CD276: variants seen among roughly 807,000 people sequenced by gnomAD.
CD276 encodes CD276 molecule.
CD276 carries 34 observed loss-of-function variants against 50.0 expected under a neutral mutation model. The ratio of observed to expected loss-of-function variants is 0.68; its 90% CI spans 0.52 to 0.91. The LOEUF (loss-of-function observed/expected upper bound fraction) is 0.91. CD276 is among the 40% of genes least tolerant of loss of function. CD276 has a pLI of 0.00. For synonymous variants in CD276, 275 were observed against 313.0 expected, an observed-to-expected ratio of 0.88 and a Z score of 1.28; for missense variants, 634 against 717.5, an observed-to-expected ratio of 0.88 and a Z score of 1.33.
chr15:73,710,331 C>G (rs1278789400), intron 8 of CD276, among the ~76,000 whole-genome samples: 1 of 152,214 alleles, frequency 6.6e-6, no homozygotes, highest in Non-Finnish European at 1.5e-5. Flanking sequence ...GTCATCCTGA[C>G]CCTGCCCTGA....
At chr15:73,708,750 AGT>A in intron 7 of CD276, 1 of 469,158 alleles carries the variant, frequency 2.1e-6, no homozygotes, top group South Asian at 2.2e-5. Flanking sequence ...CAAAGGGATG[AGT>A]GTGTGCCAAC....
intron 2 of CD276, among the ~76,000 whole-genome samples, chr15:73,700,655 G>A (rs1288191926): frequency 2.0e-5 from 3 of 152,114 alleles, no homozygotes; most frequent in Non-Finnish European, 4.4e-5. Context: ...GAGATCTCTA[G>A]GTACTGCAAA....
chr15:73,713,805 C>T lies in CD276; in HGVS notation c.*849C>T, dbSNP rs769617314. 1 of 442,124 alleles carries T rather than the reference C, an allele frequency of 2.3e-6. No individual in the cohort carries two copies. Among genetic ancestry groups the T allele is most frequent in the African/African-American group, 2.0e-5 (1 of 48,844 alleles). The allele number at this position is 442,124 out of a possible 1,614,324, so 27.4% of individuals were successfully genotyped here. On this transcript the variant is annotated 3_prime_UTR_variant, in exon 10 of 10. Transcript: ENST00000318443. ...GTCAGCTTCTGTCCCTCTGCCTTCTCACCTCTTTGTTCCTTTCTTTTCATG... is the reference window on the plus strand; with the variant it reads ...GTCAGCTTCTGTCCCTCTGCCTTCTTACCTCTTTGTTCCTTTCTTTTCATG...
intron 1 of CD276, among the ~76,000 whole-genome samples, chr15:73,691,429 T>C (rs1021483156): frequency 6.6e-6 from 1 of 152,206 alleles, no homozygotes; most frequent in Non-Finnish European, 1.5e-5. Context: ...GTATCCTTCT[T>C]AGTAATCTCA....
intron 1 of CD276, among the ~76,000 whole-genome samples, 157 bp from the exon 2 acceptor site, chr15:73,699,429 A>C (rs1900291085): frequency 6.6e-6 from 1 of 152,200 alleles, no homozygotes; most frequent in South Asian, 2.1e-4. Context: ...AGCATCTGTC[A>C]CCAAGATTCC....
Position 73,687,491 on chromosome 15 carries a change from C to G in CD276, c.-55+3031C>G, listed in dbSNP as rs990456271. ...CCCGGTAAGATGTGCCAAGGGTCTC[C>G]TTAGTAAGTCAGGGAAGACTCATCT... On this transcript the variant is annotated intron_variant, in intron 1 of 9. Transcript: ENST00000318443. The surrounding 1 kb of genome is among the most constrained non-coding windows in gnomAD (Gnocchi z 4.0). Among the ~76,000 whole-genome samples, 1 of 152,032 alleles carries G rather than the reference C, an allele frequency of 6.6e-6. No homozygotes were observed. Among genetic ancestry groups the G allele is most frequent in the African/African-American group, 2.4e-5 (1 of 41,434 alleles).
chr15:73,698,550 A>G (rs1222910833), intron 1 of CD276, among the ~76,000 whole-genome samples: 2 of 152,056 alleles, frequency 1.3e-5, no homozygotes, highest in East Asian at 3.9e-4. Flanking sequence ...GGATGGCTAT[A>G]TTAGCCTCTT....
rs766950718 is a variant in CD276 at position 73,704,194 on chromosome 15, G to A, written c.1091G>A (p.Ser364Asn). Residue 364 changes from serine to asparagine, a missense_variant, in exon 6 of 10, where the codon AGC (serine) becomes AAC (asparagine). Physicochemically the swap from Ser to Asn is conservative, Grantham distance 46. Coordinates refer to ENST00000318443, the MANE Select transcript of CD276 (RefSeq NM_001024736.2). This position sits in a 1 kb window ranked among gnomAD's most constrained non-coding sequence, Gnocchi z 4.1. ...CCTCCAGCTCCCTACTCGAAGCCCA[G>A]CATGACCCTGGAGCCCAACAAGGAC... ...LQVAAPYSKP[S>N]MTLEPNKDLR... 2 of 1,613,050 alleles carry A rather than the reference G, an allele frequency of 1.2e-6. No homozygotes were observed. The highest frequency in any genetic ancestry group is 8.5e-7 in the Non-Finnish European group (1 of 1,179,592).
intron 6 of CD276, 96 bp from the exon 7 acceptor site, chr15:73,708,243 G>T: frequency 1.5e-6 from 2 of 1,369,750 alleles, no homozygotes; most frequent in East Asian, 2.3e-5. Flanking sequence ...GCCCAGTGAG[G>T]GTGGGAGCCC....
intron 1 of CD276, among the ~76,000 whole-genome samples, chr15:73,696,185 C>T (rs1596007341): frequency 2.0e-5 from 3 of 152,314 alleles, no homozygotes; most frequent in Admixed American, 2.0e-4. Context: ...GGAGTGGGCA[C>T]TGGCAGGTGA....
At position 73,712,945 on chromosome 15, in the gene CD276, G is replaced by A. The variant is rs751707657; in HGVS notation, c.1594G>A (p.Glu532Lys). 6.2e-7 allele frequency: 1 copy of A among 1,613,770 alleles called. No individual in the cohort carries two copies. Among genetic ancestry groups the A allele is most frequent in the South Asian group, 1.1e-5 (1 of 91,054 alleles). The stretch of plus-strand genomic sequence containing the variant: ...ATCATGAAATGAAGATGATGGACAA[G>A]AAATAGCCTGACCATGAGGACCAGG... ...HSDSKEDDGQ[E>K]IA The change falls in exon 10 of 10, where the codon GAA (glutamate) becomes AAA (lysine). Residue 532 changes from glutamate to lysine, a missense_variant. Coordinates refer to ENST00000318443, the MANE Select transcript of CD276 (RefSeq NM_001024736.2).
rs1899805476 is a variant in CD276, at chr15:73,687,191, C to T, written c.-55+2731C>T. Among the ~76,000 whole-genome samples the T allele has an allele frequency of 6.6e-6, 1 of 152,112 alleles. No individual in the cohort carries two copies. Among genetic ancestry groups the T allele is most frequent in the African/African-American group, 2.4e-5 (1 of 41,416 alleles). On this transcript the variant is annotated intron_variant, in intron 1 of 9. Transcript: ENST00000318443. This position sits in a 1 kb window ranked among gnomAD's most constrained non-coding sequence, Gnocchi z 4.0. ...CCAGTTCTACCGCCCTTGCAGTGTG[C>T]CAGATAGGAGCATTGGGTTTTCAGG...
At chr15:73,711,050 C>G in intron 8 of CD276, 85 bp from the exon 9 acceptor site, 131 of 1,385,842 alleles carry the variant, frequency 9.5e-5, no homozygotes, top group Non-Finnish European at 1.2e-4. Flanking sequence ...CCCCTTCCAG[C>G]CCTCACTCCT....
At chr15:73,689,153 A>G (rs572197949) in intron 1 of CD276, among the ~76,000 whole-genome samples, 65 of 150,402 alleles carry the variant, frequency 4.3e-4, no homozygotes, top group African/African-American at 1.4e-3. Flanking sequence ...TCTGGGCCCA[A>G]TGTAGCTTTC....
intron 6 of CD276, among the ~76,000 whole-genome samples, chr15:73,705,865 A>G (rs1254946418): frequency 6.6e-6 from 1 of 152,180 alleles, no homozygotes. Flanking sequence ...AGGACTTATG[A>G]GTATAAATGT....
At chr15:73,710,458 A>C (rs919277880) in intron 8 of CD276, among the ~76,000 whole-genome samples, 2 of 152,206 alleles carry the variant, frequency 1.3e-5, no homozygotes, top group Non-Finnish European at 2.9e-5. Flanking sequence ...GTGCCAAGGC[A>C]CTGGTGCCCA....
At position 73,703,715 on chromosome 15, in the gene CD276, G is replaced by A; in HGVS notation, c.790G>A (p.Ala264Thr). The A allele has an allele frequency of 1.2e-6, 2 of 1,613,228 alleles. No individual in the cohort carries two copies. Among genetic ancestry groups the A allele is most frequent in the Non-Finnish European group, 1.7e-6 (2 of 1,179,954 alleles). ...DPVVALVGTD[A>T]TLRCSFSPEP... ...GGTGGTGGCCCTAGTGGGCACCGATGCCACCCTGCGCTGCTCCTTCTCCCC... is the reference window on the plus strand; with the variant it reads ...GGTGGTGGCCCTAGTGGGCACCGATACCACCCTGCGCTGCTCCTTCTCCCC... The change falls in exon 5 of 10, where the codon GCC becomes ACC. Residue 264 changes from alanine (A) to threonine (T), a missense_variant. Coordinates refer to ENST00000318443, the MANE Select transcript of CD276 (RefSeq NM_001024736.2).
At chr15:73,701,997 T>C (rs1373136968) in intron 2 of CD276, among the ~76,000 whole-genome samples, 1 of 152,250 alleles carries the variant, frequency 6.6e-6, no homozygotes, top group African/African-American at 2.4e-5. Flanking sequence ...TGTCTCTCTC[T>C]CCCATTAAAA....
chr15:73,707,156 C>T lies in CD276; in HGVS notation c.1370-1183C>T, dbSNP rs577379652. Among the ~76,000 whole-genome samples, 35 of 152,374 alleles carry T rather than the reference C, an allele frequency of 2.3e-4. No homozygotes were observed. The South Asian group carries it at 3.5e-3, about 15-fold the overall frequency. On this transcript the variant is annotated intron_variant, in intron 6 of 9. Transcript: ENST00000318443. ...GCACGAGGTGCATCTATGCTGGGGT[C>T]TCTGCCGCCAAAGGGTCCATAGCAC...
Sources: allele counts gnomAD v4.1 joint callset (sites outside exome capture counted in the v4.1 genomes callset), GRCh38; gene constraint gnomAD v4.1.1; non-coding constraint Gnocchi (gnomAD v3.1); transcripts MANE v1.5; gene names NCBI Gene and HGNC (gene_info 2026-07-23, HGNC 2026-07-21).